Variants in YIPF1 observed in about 807,000 individuals in gnomAD.
YIPF1 encodes the protein protein YIPF1.
A neutral mutation model predicts 37.0 loss-of-function variants in YIPF1; 22 were observed. The observed-to-expected ratio is 0.59, with a 90% CI of 0.42 to 0.85. The LOEUF is 0.85. Among genes scored for constraint, YIPF1 ranks in the 40% least tolerant of loss-of-function variants. The probability of loss-of-function intolerance (pLI) is 0.00; values close to 1 mark genes in which losing one functional copy is unlikely to be tolerated. For synonymous variants in YIPF1, 128 were observed against 131.9 expected, an observed-to-expected ratio of 0.97 and a Z score of 0.21; for missense variants, 355 against 373.1, an observed-to-expected ratio of 0.95 and a Z score of 0.40.
chr1:53,876,463 C>T (rs138565889), intron 6 of YIPF1, among the ~76,000 whole-genome samples: 10 of 152,310 alleles, frequency 6.6e-5, no homozygotes, highest in Admixed American at 6.5e-5. Flanking sequence ...AAACCTAATC[C>T]TCTCTGCTAT....
intron 3 of YIPF1, among the ~76,000 whole-genome samples, chr1:53,888,023 C>G (rs530063303): frequency 2.0e-5 from 3 of 152,108 alleles, no homozygotes; most frequent in Admixed American, 2.0e-4. Flanking sequence ...GTCAGAAGTT[C>G]GAGACCAGCC....
chr1:53,876,385 C>T (rs1650335280), intron 6 of YIPF1, among the ~76,000 whole-genome samples: 1 of 152,188 alleles, frequency 6.6e-6, no homozygotes, highest in Non-Finnish European at 1.5e-5. Context: ...AGTTATCAAT[C>T]TTTTCCTTAC....
chr1:53,883,167 T>C lies in YIPF1; in HGVS notation c.141A>G (p.Ser47=). ...PKHQPGSPRG[S]GREEDDELLG... ...GTAACTCATCATCTTCTTCTCTTCC[T>C]GAGCCTCTTGGGGATCCTGGCTGAT... The change falls in exon 4 of 11, where the codon TCA becomes TCG. Residue 47 remains serine (S), a synonymous_variant. Transcript: ENST00000072644. 2 of 1,603,800 alleles carry C rather than the reference T, an allele frequency of 1.2e-6. No individual in the cohort carries two copies. Among genetic ancestry groups the C allele is most frequent in the Non-Finnish European group, 1.7e-6 (2 of 1,175,908 alleles).
At chr1:53,860,679 GCTAAA>G (rs1649847610) in intron 9 of YIPF1, among the ~76,000 whole-genome samples, 1 of 152,238 alleles carries the variant, frequency 6.6e-6, no homozygotes, top group Non-Finnish European at 1.5e-5. Context: ...TTAGCTTGCT[GCTAAA>G]CTAGTTAGTT....
intron 6 of YIPF1, among the ~76,000 whole-genome samples, chr1:53,876,742 G>T (rs1374800227): frequency 6.6e-6 from 1 of 152,116 alleles, no homozygotes; most frequent in East Asian, 1.9e-4. Context: ...GATAATAATA[G>T]TATCTCCCTC....
intron 7 of YIPF1, among the ~76,000 whole-genome samples, chr1:53,870,543 C>G (rs1650157792): frequency 6.6e-6 from 1 of 152,130 alleles, no homozygotes; most frequent in Admixed American, 6.5e-5. Context: ...GAATTTTCCA[C>G]ATAGCTCTAG....
At chr1:53,888,879 T>TGATC in intron 3 of YIPF1, 28 bp downstream of exon 3, 1 of 1,565,250 alleles carries the variant, frequency 6.4e-7, no homozygotes, top group Non-Finnish European at 8.8e-7. Flanking sequence ...TGATCATAAA[T>TGATC]ATAAAGGTGG....
intron 6 of YIPF1, among the ~76,000 whole-genome samples, chr1:53,875,857 T>C (rs574555172): frequency 6.6e-6 from 1 of 152,354 alleles, no homozygotes; most frequent in South Asian, 2.1e-4. Context: ...ATTCACCCAT[T>C]TATACAAACA....
intron 9 of YIPF1, among the ~76,000 whole-genome samples, chr1:53,864,698 T>G (rs1649971918): frequency 6.6e-6 from 1 of 152,196 alleles, no homozygotes; most frequent in Admixed American, 6.5e-5. Context: ...GACCTTAACA[T>G]TCTTGGACTC....
At chr1:53,873,435 C>A (rs926396395) in intron 6 of YIPF1, among the ~76,000 whole-genome samples, 2 of 152,078 alleles carry the variant, frequency 1.3e-5, no homozygotes, top group Non-Finnish European at 2.9e-5. Context: ...TCAGGAGTAG[C>A]CAGAGATTGA....
intron 8 of YIPF1, 82 bp downstream of exon 8, chr1:53,866,676 G>A (rs1650032884): frequency 8.9e-6 from 13 of 1,464,892 alleles, no homozygotes; most frequent in Non-Finnish European, 6.4e-6. Context: ...TGGAAATAAT[G>A]ATGGTAGGTC....
chr1:53,883,228 G>A lies in YIPF1; in HGVS notation c.80C>T (p.Thr27Ile). 1 of 1,592,508 alleles carries A rather than the reference G, an allele frequency of 6.3e-7. No individual in the cohort carries two copies. Among genetic ancestry groups the A allele is most frequent in the Non-Finnish European group, 8.5e-7 (1 of 1,171,282 alleles). Residue 27 changes from threonine (T) to isoleucine (I), a missense_variant, in exon 4 of 11, where the codon ACA becomes ATA. By Grantham distance (89) the Thr-to-Ile change is moderately conservative. Transcript: ENST00000072644. ...TTCACCAGGATCCTCAATGTTTACT[G>A]TGGTGGCATCTGGGTTTGCTGTCAG... ...TSLTANPDAT[T>I]VNIEDPGETP...
At chr1:53,871,976 A>C (rs549407811) in intron 6 of YIPF1, among the ~76,000 whole-genome samples, 36 of 151,422 alleles carry the variant, frequency 2.4e-4, no homozygotes, top group African/African-American at 8.0e-4. Context: ...GATTAAACCT[A>C]CCAGTTCACC....
chr1:53,854,566 TCA>T (rs1288032721), intron 10 of YIPF1, among the ~76,000 whole-genome samples: 1 of 152,200 alleles, frequency 6.6e-6, no homozygotes, highest in Non-Finnish European at 1.5e-5. Context: ...CCTTCCAATG[TCA>T]CCACAGTCTG....
intron 10 of YIPF1, among the ~76,000 whole-genome samples, chr1:53,856,010 G>A (rs1649709091): frequency 6.6e-6 from 1 of 152,192 alleles, no homozygotes; most frequent in Non-Finnish European, 1.5e-5. Flanking sequence ...TTATTTTTCA[G>A]TGAAAGCTGG....
In YIPF1 at chr1:53,876,875, C is replaced by T. The variant is rs114224204; in HGVS notation, c.364+1440G>A. ...ATTATTATTGCTAACTCTGTAACTA[C>T]GGGCAAGTTATCTCCTTAATCTCAG... On this transcript the variant is annotated intron_variant, in intron 6 of 10. Coordinates refer to ENST00000072644, the MANE Select transcript of YIPF1 (RefSeq NM_018982.5). 8.4e-3 allele frequency among the ~76,000 whole-genome samples: 1,281 copies of T among 152,242 alleles called. 23 individuals are homozygous for T. The highest frequency in any genetic ancestry group is 0.029 in the African/African-American group (1,216 of 41,540).
At chr1:53,862,478 A>G (rs1161866726) in intron 9 of YIPF1, among the ~76,000 whole-genome samples, 2 of 152,158 alleles carry the variant, frequency 1.3e-5, no homozygotes, top group African/African-American at 2.4e-5. Flanking sequence ...TACATCTCCA[A>G]ACATACACCA....
intron 3 of YIPF1, 129 bp downstream of exon 3, chr1:53,888,778 T>G (rs1359699336): frequency 1.1e-6 from 1 of 945,762 alleles, no homozygotes; most frequent in African/African-American, 1.6e-5. Context: ...CACCTGGATG[T>G]GGCCAACAGC....
intron 9 of YIPF1, 141 bp downstream of exon 9, chr1:53,866,059 C>A: frequency 9.1e-7 from 1 of 1,103,906 alleles, no homozygotes; most frequent in South Asian, 1.9e-5. Flanking sequence ...TTGGGCCTCC[C>A]AAAGTATTGG....
Sources: gnomAD v4.1 joint callset for allele counts (sites outside exome capture counted in the v4.1 genomes callset) on GRCh38, gnomAD v4.1.1 for gene constraint, MANE v1.5 for transcripts, NCBI Gene and HGNC (gene_info 2026-07-23, HGNC 2026-07-21) for gene names.